Variants in EYS observed in about 807,000 individuals in gnomAD.
The protein encoded by EYS is protein eyes shut homolog.
In EYS, 250 loss-of-function variants were observed where a neutral mutation model predicts 282.1. That is an observed-to-expected ratio of 0.89 (90% CI 0.80 to 0.98). The LOEUF is 0.98. EYS is among the 50% of genes least tolerant of loss of function. EYS has a pLI of 0.00. For synonymous variants in EYS, 1,355 were observed against 1,282.9 expected (o/e 1.06, Z -1.20); for missense variants, 4,016 against 3,709.0 (o/e 1.08, Z -2.15).
At chr6:65,605,038 TCTCA>T (rs1234521432) in intron 2 of EYS, among the ~76,000 whole-genome samples, 1 of 125,358 alleles carries the variant, frequency 8.0e-6, no homozygotes, top group African/African-American at 3.3e-5. Context: ...GAGACGGGGG[TCTCA>T]CTATTTTTCC....
intron 19 of EYS, among the ~76,000 whole-genome samples, chr6:64,870,046 C>A (rs1766543356): frequency 6.6e-6 from 1 of 151,504 alleles, no homozygotes; most frequent in Non-Finnish European, 1.5e-5. Flanking sequence ...AAGGATCAGG[C>A]ACTAAATACG....
intron 31 of EYS, among the ~76,000 whole-genome samples, chr6:64,156,042 TTGTG>T (rs559689576): frequency 8.4e-4 from 118 of 141,144 alleles, no homozygotes; most frequent in Non-Finnish European, 1.2e-3. Context: ...GTGTGTGTGT[TTGTG>T]TGTGTGTATG....
intron 2 of EYS, among the ~76,000 whole-genome samples, chr6:65,579,693 T>C (rs115004096): frequency 0.011 from 1,681 of 152,238 alleles, 23 homozygotes; most frequent in African/African-American, 0.026. Context: ...TCACCCATTC[T>C]ATCGAGTTAG....
chr6:65,396,453 C>T (rs1435174994), intron 7 of EYS, among the ~76,000 whole-genome samples: 1 of 152,054 alleles, frequency 6.6e-6, no homozygotes, highest in Non-Finnish European at 1.5e-5. Flanking sequence ...CCCCATCATA[C>T]TCTCTGTTGC....
chr6:64,750,975 C>T lies in EYS; in HGVS notation c.3443+62403G>A, dbSNP rs533895843. Reference sequence around the variant, plus strand: ...CTCTGCTCCACATTCTGACAAATTTCGAGGCACTTGGAGCACCTATTCTTC... The same window carrying T: ...CTCTGCTCCACATTCTGACAAATTTTGAGGCACTTGGAGCACCTATTCTTC... On this transcript the variant is annotated intron_variant, in intron 22 of 42. Coordinates refer to ENST00000503581, the MANE Select transcript of EYS (RefSeq NM_001142800.2). Among the ~76,000 whole-genome samples the T allele has an allele frequency of 2.4e-4, 37 of 151,844 alleles. No homozygotes were observed. The South Asian group carries it at 4.6e-3, about 19-fold the overall frequency.
At chr6:63,757,649 C>T (rs998176543) in intron 41 of EYS, among the ~76,000 whole-genome samples, 6 of 152,084 alleles carry the variant, frequency 3.9e-5, no homozygotes, top group Non-Finnish European at 8.8e-5. Context: ...GATGTCACCC[C>T]CAGTGGCCCA....
intron 33 of EYS, among the ~76,000 whole-genome samples, chr6:64,001,622 A>T (rs1269703441): frequency 6.6e-6 from 1 of 152,230 alleles, no homozygotes; most frequent in Non-Finnish European, 1.5e-5. Flanking sequence ...AAAGGCTGCA[A>T]AAAGGTAAAA....
At chr6:64,144,604 C>CA (rs1774448806) in intron 31 of EYS, among the ~76,000 whole-genome samples, 3 of 152,268 alleles carry the variant, frequency 2.0e-5, no homozygotes, top group African/African-American at 7.2e-5. Context: ...ACATGGTGTG[C>CA]TACCCCGTCA....
intron 28 of EYS, among the ~76,000 whole-genome samples, chr6:64,393,731 A>C (rs534963399): frequency 4.0e-4 from 60 of 151,736 alleles, no homozygotes; most frequent in Admixed American, 2.4e-3. Context: ...CAAGACAGGG[A>C]TGCCCTCTCT....
At chr6:64,969,439 G>A (rs1360592464) in intron 14 of EYS, among the ~76,000 whole-genome samples, 1 of 152,106 alleles carries the variant, frequency 6.6e-6, no homozygotes, top group Non-Finnish European at 1.5e-5. Context: ...CATTGAAAAA[G>A]GCAAAGATTA....
chr6:64,555,140 T>A (rs764023299), intron 26 of EYS, among the ~76,000 whole-genome samples: 4 of 151,866 alleles, frequency 2.6e-5, no homozygotes, highest in Admixed American at 2.0e-4. Flanking sequence ...AACAGATGAA[T>A]GGATAAACAG....
intron 22 of EYS, among the ~76,000 whole-genome samples, chr6:64,803,130 TCAG>T (rs1764308927): frequency 1.3e-5 from 2 of 152,208 alleles, no homozygotes; most frequent in Admixed American, 1.3e-4. Context: ...GCTTCATTGA[TCAG>T]CAGAACAGCT....
At chr6:64,884,740 T>C (rs534715981) in intron 19 of EYS, among the ~76,000 whole-genome samples, 1 of 151,798 alleles carries the variant, frequency 6.6e-6, no homozygotes, top group South Asian at 2.1e-4. Flanking sequence ...AAACTTCTTT[T>C]TGAATGTCCA....
chr6:64,660,398 A>G (rs939754085), intron 22 of EYS, among the ~76,000 whole-genome samples: 15 of 151,836 alleles, frequency 9.9e-5, no homozygotes, highest in South Asian at 2.1e-4. Flanking sequence ...GCAATCAGGC[A>G]GGAGAAGGAA....
intron 11 of EYS, among the ~76,000 whole-genome samples, chr6:65,299,408 C>G (rs947697958): frequency 6.6e-6 from 1 of 151,932 alleles, no homozygotes; most frequent in Non-Finnish European, 1.5e-5. Context: ...TCCCCTGACC[C>G]CCCCCAAAAA....
At chr6:65,234,107 T>C (rs1031220244) in intron 12 of EYS, among the ~76,000 whole-genome samples, 6 of 152,164 alleles carry the variant, frequency 3.9e-5, no homozygotes, top group Admixed American at 1.3e-4. Context: ...TATTTATTAA[T>C]AGTGTCCTTA....
chr6:65,028,557 T>C (rs113543943), intron 13 of EYS, among the ~76,000 whole-genome samples: 1,540 of 152,152 alleles, frequency 0.01, 22 homozygotes, highest in African/African-American at 0.034. Flanking sequence ...CATAATAGTC[T>C]AGTAATTTTG....
At chr6:64,771,992 A>T (rs1583139933) in intron 22 of EYS, among the ~76,000 whole-genome samples, 1 of 151,804 alleles carries the variant, frequency 6.6e-6, no homozygotes, top group East Asian at 1.9e-4. Context: ...ATACTGCTTT[A>T]TTATTTTTCA....
At position 65,354,898 on chromosome 6, in the gene EYS, A is replaced by C. The variant is rs542367650; in HGVS notation, c.1300-1281T>G. The stretch of plus-strand genomic sequence containing the variant: ...CATTTAATTATATTAAATGATTACC[A>C]AAAAATACAATTTTATGATATATTT... On this transcript the variant is annotated intron_variant, in intron 8 of 42. Coordinates refer to ENST00000503581, the MANE Select transcript of EYS (RefSeq NM_001142800.2). Among the ~76,000 whole-genome samples the C allele has an allele frequency of 1.7e-3, 251 of 152,088 alleles. 1 individual carries two copies. The highest frequency in any genetic ancestry group is 4.4e-3 in the South Asian group (21 of 4,822).
Sources: allele counts gnomAD v4.1 joint callset (sites outside exome capture counted in the v4.1 genomes callset), GRCh38; gene constraint gnomAD v4.1.1; transcripts MANE v1.5; gene names NCBI Gene and HGNC (gene_info 2026-07-23, HGNC 2026-07-21).